Variants in FAM91A1 observed in about 807,000 individuals in gnomAD.
The protein encoded by FAM91A1 is protein FAM91A1.
FAM91A1 carries 41 observed loss-of-function variants against 113.5 expected under a neutral mutation model. The observed-to-expected ratio is 0.36, with a 90% CI of 0.28 to 0.47. The LOEUF (loss-of-function observed/expected upper bound fraction) is 0.47, where lower values mean the gene tolerates loss of function less well. Ranked by LOEUF, FAM91A1 falls within the 20% of genes least tolerant of loss-of-function variation. The pLI is 1.00. For synonymous variants in FAM91A1, 307 were observed against 347.9 expected (o/e 0.88, Z 1.31); for missense variants, 696 against 1,001.2 (o/e 0.70, Z 4.11).
chr8:123,777,513 G>A (rs1180810359), intron 4 of FAM91A1, among the ~76,000 whole-genome samples, 191 bp downstream of exon 4: 1 of 152,202 alleles, frequency 6.6e-6, no homozygotes, highest in Non-Finnish European at 1.5e-5. Context: ...AAATGTCTAA[G>A]AGAGGCATAT....
In FAM91A1 at chr8:123,785,722, C is replaced by G; in HGVS notation, c.943C>G (p.Pro315Ala). Residue 315 changes from proline to alanine, a missense_variant, in exon 11 of 24, where the codon CCA (proline) becomes GCA (alanine). Coordinates refer to ENST00000334705, the MANE Select transcript of FAM91A1 (RefSeq NM_144963.4). ...ACTTCATTCATCATGGAAGAATGTT[C>G]CATCCGTAAACAGATTAAAGTAACT... Reference protein sequence around the residue: ...DQLHSSWKNVPSVNRLKSTLD... With the variant: ...DQLHSSWKNVASVNRLKSTLD... The G allele has an allele frequency of 6.2e-6, 10 of 1,606,028 alleles. No homozygotes were observed. The highest frequency in any genetic ancestry group is 7.6e-6 in the Non-Finnish European group (9 of 1,176,750).
intron 19 of FAM91A1, among the ~76,000 whole-genome samples, chr8:123,805,641 A>G (rs1815785562): frequency 6.6e-6 from 1 of 152,162 alleles, no homozygotes; most frequent in Non-Finnish European, 1.5e-5. Context: ...TTTATCATTC[A>G]CACAACTGTC....
At chr8:123,795,543 C>G (rs976181189) in intron 15 of FAM91A1, among the ~76,000 whole-genome samples, 19 of 152,182 alleles carry the variant, frequency 1.2e-4, no homozygotes, top group African/African-American at 4.3e-4. Flanking sequence ...CTTCCTAAGG[C>G]CTCCTCAGAA....
intron 18 of FAM91A1, among the ~76,000 whole-genome samples, chr8:123,801,552 G>C (rs1346656654): frequency 2.6e-5 from 4 of 152,206 alleles, no homozygotes; most frequent in Non-Finnish European, 4.4e-5. Flanking sequence ...ATGCAAATAA[G>C]ACAGGGCCCC....
At chr8:123,773,442 T>C (rs921907941) in intron 1 of FAM91A1, among the ~76,000 whole-genome samples, 26 of 152,246 alleles carry the variant, frequency 1.7e-4, no homozygotes, top group Non-Finnish European at 5.9e-5. Flanking sequence ...AGGCAAACGT[T>C]GTTTGCTTTC....
At chr8:123,772,970 G>A (rs573468273) in intron 1 of FAM91A1, among the ~76,000 whole-genome samples, 1 of 152,266 alleles carries the variant, frequency 6.6e-6, no homozygotes, top group East Asian at 1.9e-4. Flanking sequence ...GGAGGAGGAG[G>A]AGGAAATACA....
At chr8:123,783,447 T>C (rs1161056114) in intron 8 of FAM91A1, among the ~76,000 whole-genome samples, 7 of 152,226 alleles carry the variant, frequency 4.6e-5, no homozygotes, top group Admixed American at 2.0e-4. Context: ...ATATAGGTAG[T>C]ACTAAATTAG....
intron 15 of FAM91A1, 68 bp downstream of exon 15, chr8:123,789,813 TC>T (rs1563642287): frequency 1.8e-5 from 27 of 1,541,084 alleles, no homozygotes; most frequent in Non-Finnish European, 1.9e-5. Flanking sequence ...ATTAAACAGA[TC>T]ATGCTCACTT....
intron 3 of FAM91A1, 80 bp from the exon 4 acceptor site, chr8:123,777,185 C>A: frequency 2.1e-6 from 2 of 952,070 alleles, no homozygotes; most frequent in South Asian, 1.6e-5. Flanking sequence ...TTGTTATTGG[C>A]TGTAATAATA....
At chr8:123,784,433 C>T (rs773002441) in intron 8 of FAM91A1, 37 bp from the exon 9 acceptor site, 1 of 1,459,010 alleles carries the variant, frequency 6.9e-7, no homozygotes, top group Non-Finnish European at 9.4e-7. Context: ...TTTATAAAAT[C>T]TGTACCACTG....
At chr8:123,768,891 C>T (rs1018163961) in intron 1 of FAM91A1, 117 bp downstream of exon 1, 4 of 1,043,492 alleles carry the variant, frequency 3.8e-6, no homozygotes, top group Non-Finnish European at 5.7e-6. Context: ...TTCCTTTACT[C>T]CTCCGTGGTC....
chr8:123,804,094 C>G (rs1307475512), intron 18 of FAM91A1, among the ~76,000 whole-genome samples: 1 of 152,146 alleles, frequency 6.6e-6, no homozygotes, highest in East Asian at 1.9e-4. Context: ...ACTGAATTAT[C>G]ATTTGTAACA....
chr8:123,808,669 A>G (rs1208183546), intron 21 of FAM91A1: 7 of 507,880 alleles, frequency 1.4e-5, no homozygotes, highest in Admixed American at 7.1e-5. Flanking sequence ...GATGAAAGCT[A>G]TGTACCTTCT....
rs114850154 is a variant in FAM91A1 at position 123,797,454 on chromosome 8, T to A, written c.1412-636T>A. ...TCCACCTCTTCTGCCTCTGTCACCT[T>A]GGAGACAACAAGCCCAGTCCTTCCT... On this transcript the variant is annotated intron_variant, in intron 15 of 23. Transcript: ENST00000334705. 7.9e-3 allele frequency among the ~76,000 whole-genome samples: 1,200 copies of A among 152,262 alleles called. 15 individuals carry two copies. The highest frequency in any genetic ancestry group is 0.028 in the African/African-American group (1,145 of 41,540).
At position 123,787,615 on chromosome 8, in the gene FAM91A1, G is replaced by A. The variant is rs771881926; in HGVS notation, c.1192-49G>A. On this transcript the variant is annotated intron_variant, in intron 13 of 23. Transcript: ENST00000334705. ...ATATAAATATTTGATAGTATGCTTA[G>A]CATAAAAAGGGAGAAGTAGAACTTT... 13 of 1,425,006 alleles carry A rather than the reference G, an allele frequency of 9.1e-6. No individual in the cohort carries two copies. The African/African-American group carries it at 1.4e-4, about 16-fold the overall frequency. 88.3% of individuals were successfully genotyped at this position (1,425,006 alleles called of 1,614,324 possible).
chr8:123,785,869 G>A (rs902205632), intron 11 of FAM91A1, 128 bp downstream of exon 11: 53 of 585,572 alleles, frequency 9.1e-5, no homozygotes, highest in Non-Finnish European at 1.4e-4. Flanking sequence ...CCAGGCTGGA[G>A]TGCGGTGGCG....
intron 23 of FAM91A1, chr8:123,811,485 A>G (rs558765256): frequency 1.3e-5 from 2 of 152,366 alleles, no homozygotes; most frequent in East Asian, 3.9e-4. Flanking sequence ...GGCCTTGGCC[A>G]TAGTGAATTA....
chr8:123,782,894 G>A lies in FAM91A1; in HGVS notation c.704-1576G>A, dbSNP rs192451850. On this transcript the variant is annotated intron_variant, in intron 8 of 23. Coordinates refer to ENST00000334705, the MANE Select transcript of FAM91A1 (RefSeq NM_144963.4). ...CTCAAAATAGGGGGTAACTGGCCAA[G>A]CACAGTGGCTCACACCTGTAATCCC... Among the ~76,000 whole-genome samples, 655 of 152,290 alleles carry A rather than the reference G, an allele frequency of 4.3e-3. 8 individuals carry two copies. The highest frequency in any genetic ancestry group is 0.015 in the African/African-American group (628 of 41,548).
Position 123,813,362 on chromosome 8 carries a change from T to C in FAM91A1, c.*658T>C, listed in dbSNP as rs1174199609. 2.0e-5 allele frequency: 3 copies of C among 152,642 alleles called. No homozygotes were observed. Among genetic ancestry groups the C allele is most frequent in the Non-Finnish European group, 4.4e-5 (3 of 68,030 alleles). 9.5% of individuals were successfully genotyped at this position (152,642 alleles called of 1,614,324 possible). On this transcript the variant is annotated 3_prime_UTR_variant, in exon 24 of 24. Coordinates refer to ENST00000334705, the MANE Select transcript of FAM91A1 (RefSeq NM_144963.4). ...TCTCATGAGAAGCTTTAGAAGACTT[T>C]CTATTTTTAAACACCATTTATATGT...
Sources: gnomAD v4.1 joint callset for allele counts (sites outside exome capture counted in the v4.1 genomes callset) on GRCh38, gnomAD v4.1.1 for gene constraint, MANE v1.5 for transcripts, NCBI Gene and HGNC (gene_info 2026-07-23, HGNC 2026-07-21) for gene names.